SEM1: variants seen among roughly 807,000 people sequenced by gnomAD.
SEM1 encodes 26S proteasome complex subunit SEM1.
In SEM1, 3 loss-of-function variants were observed where a neutral mutation model predicts 12.7. That is an observed-to-expected ratio of 0.24 (90% confidence interval 0.11 to 0.61). The LOEUF is 0.61. Ranked by LOEUF, SEM1 falls within the 20% of genes least tolerant of loss-of-function variation. SEM1 has a pLI of 0.88. For synonymous variants in SEM1, 30 were observed against 27.8 expected, an observed-to-expected ratio of 1.08 and a Z score of -0.25; for missense variants, 59 against 81.3, an observed-to-expected ratio of 0.73 and a Z score of 1.06.
chr7:96,685,497 A>T (rs1349742910), downstream of SEM1, among the ~76,000 whole-genome samples: 3 of 152,106 alleles, frequency 2.0e-5, no homozygotes, highest in African/African-American at 7.2e-5. Context: ...GACTATATTA[A>T]GTGCTGTTGA....
At chr7:96,599,043 A>AG (rs1192703046) in intron 2 of SEM1, among the ~76,000 whole-genome samples, 1 of 151,974 alleles carries the variant, frequency 6.6e-6, no homozygotes. Flanking sequence ...AGAAAACTAG[A>AG]GGGGCAGAGG....
intron 2 of SEM1, among the ~76,000 whole-genome samples, chr7:96,587,477 T>C (rs1050106492): frequency 1.3e-5 from 2 of 152,188 alleles, no homozygotes; most frequent in African/African-American, 2.4e-5. Flanking sequence ...TCTTGCTCTC[T>C]TTCTCCCCCA....
intron 2 of SEM1, among the ~76,000 whole-genome samples, chr7:96,679,556 G>T (rs766874080): frequency 5.9e-5 from 9 of 151,982 alleles, no homozygotes; most frequent in Non-Finnish European, 4.4e-5. Context: ...AAAGCAAAAA[G>T]CTATGAAGAT....
At chr7:96,633,276 A>G (rs947948348) in intron 2 of SEM1, among the ~76,000 whole-genome samples, 2 of 152,076 alleles carry the variant, frequency 1.3e-5, no homozygotes, top group African/African-American at 4.8e-5. Context: ...AGAAAATATG[A>G]TGGTTCTAAA....
chr7:96,490,760 C>T (rs532694036), intron 1 of SEM1, among the ~76,000 whole-genome samples: 4 of 151,940 alleles, frequency 2.6e-5, no homozygotes, highest in South Asian at 2.1e-4. Context: ...GAAATCAGAG[C>T]GAGAGAGGCT....
At chr7:96,526,373 T>C (rs1425617506) in intron 2 of SEM1, among the ~76,000 whole-genome samples, 1 of 151,996 alleles carries the variant, frequency 6.6e-6, no homozygotes, top group East Asian at 1.9e-4. Flanking sequence ...AAATGAGTCC[T>C]CAATATAAAG....
At chr7:96,705,487 T>G (rs977126305) in intron 1 of SEM1, among the ~76,000 whole-genome samples, 16 of 152,154 alleles carry the variant, frequency 1.1e-4, no homozygotes, top group African/African-American at 3.6e-4. Flanking sequence ...ATAAAAATAT[T>G]TTTTAAAACT....
chr7:96,618,432 G>T (rs904758902), downstream of SEM1, among the ~76,000 whole-genome samples: 1 of 152,134 alleles, frequency 6.6e-6, no homozygotes. Context: ...CTAACTCTCT[G>T]ACAGGCTTGG....
intron 2 of SEM1, chr7:96,649,657 C>A (rs1462314925): frequency 2.0e-5 from 3 of 152,212 alleles, no homozygotes; most frequent in Non-Finnish European, 4.4e-5. Context: ...AAGACTTCTG[C>A]AGATCACTTC....
intron 2 of SEM1, among the ~76,000 whole-genome samples, chr7:96,576,833 A>C (rs1806218674): frequency 6.6e-6 from 1 of 152,176 alleles, no homozygotes; most frequent in Non-Finnish European, 1.5e-5. Flanking sequence ...AATGATGGAT[A>C]CAGGCTGGGC....
chr7:96,631,787 ATTT>A (rs1007523521), intron 2 of SEM1, among the ~76,000 whole-genome samples: 2 of 152,182 alleles, frequency 1.3e-5, no homozygotes, highest in African/African-American at 4.8e-5. Flanking sequence ...ATGGGAGAAA[ATTT>A]TTGCAATGTA....
intron 2 of SEM1, among the ~76,000 whole-genome samples, chr7:96,543,404 T>C (rs747736227): frequency 2.0e-5 from 3 of 151,894 alleles, no homozygotes; most frequent in Non-Finnish European, 4.4e-5. Context: ...CCCCCATGTA[T>C]ACTGAGAGAC....
chr7:96,504,006 C>A (rs1278702674), intron 3 of SEM1, among the ~76,000 whole-genome samples: 1 of 152,108 alleles, frequency 6.6e-6, no homozygotes, highest in Non-Finnish European at 1.5e-5. Context: ...TTTCTGTTTT[C>A]ATTTCCCTGC....
At chr7:96,614,503 C>A (rs1807641866) in intron 2 of SEM1, among the ~76,000 whole-genome samples, 1 of 152,204 alleles carries the variant, frequency 6.6e-6, no homozygotes, top group Non-Finnish European at 1.5e-5. Context: ...TCTTTCCAGA[C>A]CTGAATGTTC....
At chr7:96,523,234 A>G (rs1269834668) in intron 2 of SEM1, among the ~76,000 whole-genome samples, 1 of 152,108 alleles carries the variant, frequency 6.6e-6, no homozygotes, top group Non-Finnish European at 1.5e-5. Flanking sequence ...AGTTTGACAT[A>G]AACTTATTGA....
chr7:96,599,247 TTC>T (rs35192987), intron 2 of SEM1, among the ~76,000 whole-genome samples: 25 of 149,908 alleles, frequency 1.7e-4, no homozygotes, highest in Middle Eastern at 3.4e-3. Context: ...TTTTTTGCCT[TTC>T]TCTCTCTCTC....
At chr7:96,641,417 G>A (rs1373885267) in intron 2 of SEM1, among the ~76,000 whole-genome samples, 1 of 151,826 alleles carries the variant, frequency 6.6e-6, no homozygotes, top group African/African-American at 2.4e-5. Flanking sequence ...TGAGTTTAGT[G>A]CTTATTTAAA....
intron 2 of SEM1, among the ~76,000 whole-genome samples, chr7:96,523,143 A>T (rs997951147): frequency 2.0e-5 from 3 of 152,122 alleles, no homozygotes; most frequent in Non-Finnish European, 4.4e-5. Flanking sequence ...TTCACTACAG[A>T]TGTTCTTCTA....
chr7:96,592,940 A>G (rs1441907211), intron 2 of SEM1, among the ~76,000 whole-genome samples: 4 of 146,720 alleles, frequency 2.7e-5, no homozygotes, highest in Non-Finnish European at 5.9e-5. Context: ...TCCACATATT[A>G]CCGTCCTTGA....
Sources: allele counts gnomAD v4.1 joint callset (sites outside exome capture counted in the v4.1 genomes callset), GRCh38; gene constraint gnomAD v4.1.1; transcripts MANE v1.5; gene names NCBI Gene and HGNC (gene_info 2026-07-23, HGNC 2026-07-21).